The following NALF1 variants were observed in gnomAD, a reference collection of about 807,000 sequenced individuals.
The protein encoded by NALF1 is NALCN channel auxiliary factor 1.
A neutral mutation model predicts 48.4 loss-of-function variants in NALF1; 3 were observed. That is an observed-to-expected ratio of 0.06 (90% CI 0.03 to 0.16). The LOEUF is 0.16. Among genes scored for constraint, NALF1 ranks in the 10% least tolerant of loss-of-function variants. NALF1 has a pLI of 1.00. For missense variants in NALF1, 526 were observed against 571.5 expected (o/e 0.92, Z 0.81); for synonymous variants, 262 against 245.7 (o/e 1.07, Z -0.62).
At chr13:107,550,366 A>G (rs1877258227) in intron 1 of NALF1, among the ~76,000 whole-genome samples, 1 of 152,088 alleles carries the variant, frequency 6.6e-6, no homozygotes, top group African/African-American at 2.4e-5. Flanking sequence ...ATCCATCTTT[A>G]TTGTTAAAAT....
At chr13:107,198,134 A>G (rs1329127336) in intron 2 of NALF1, among the ~76,000 whole-genome samples, 1 of 152,130 alleles carries the variant, frequency 6.6e-6, no homozygotes, top group Non-Finnish European at 1.5e-5. Context: ...AATAGGTTTA[A>G]TTTTTAGTGC....
intron 1 of NALF1, among the ~76,000 whole-genome samples, chr13:107,486,571 C>T (rs797022325): frequency 1.3e-5 from 2 of 152,128 alleles, no homozygotes; most frequent in East Asian, 1.9e-4. Context: ...AGTGCTGTGT[C>T]CTGGGCTGCA....
rs529823080 is a variant in NALF1 at position 107,431,378 on chromosome 13, A to AACAC, written c.916-220627_916-220624dup. On this transcript the variant is annotated intron_variant, in intron 1 of 2. Transcript: ENST00000375915. ...GTGTAACTATTAATGGTTTCTCCTAAACACACACACACACATGCGCATGCG... is the reference window on the plus strand; with the variant it reads ...GTGTAACTATTAATGGTTTCTCCTAAACACACACACACACACACATGCGCATGCG... Among the ~76,000 whole-genome samples the AACAC allele has an allele frequency of 2.0e-4, 30 of 151,766 alleles. 1 individual carries two copies. The highest frequency in any genetic ancestry group is 1.2e-3 in the Admixed American group (18 of 15,222).
intron 1 of NALF1, among the ~76,000 whole-genome samples, chr13:107,249,839 T>C (rs1160084763): frequency 2.0e-5 from 3 of 152,182 alleles, no homozygotes; most frequent in Non-Finnish European, 4.4e-5. Flanking sequence ...TTGATTTTTA[T>C]GTTGACTATC....
chr13:107,673,804 T>C (rs1881049156), intron 1 of NALF1, among the ~76,000 whole-genome samples: 1 of 152,098 alleles, frequency 6.6e-6, no homozygotes, highest in Admixed American at 6.6e-5. Context: ...TTATAATTAC[T>C]ATGTGTCAAA....
At chr13:107,270,328 C>T (rs928288667) in intron 1 of NALF1, among the ~76,000 whole-genome samples, 2 of 152,052 alleles carry the variant, frequency 1.3e-5, no homozygotes, top group African/African-American at 2.4e-5. Flanking sequence ...ATGCACTATA[C>T]ACTATGTTAA....
chr13:107,357,287 G>C (rs1180506563), intron 1 of NALF1, among the ~76,000 whole-genome samples: 1 of 152,064 alleles, frequency 6.6e-6, no homozygotes, highest in Non-Finnish European at 1.5e-5. Context: ...GAGAGCAAAG[G>C]GGGAAGAGTC....
intron 1 of NALF1, among the ~76,000 whole-genome samples, chr13:107,458,645 C>G (rs1884866126): frequency 6.6e-6 from 1 of 152,044 alleles, no homozygotes; most frequent in East Asian, 1.9e-4. Flanking sequence ...TGGACTTCAC[C>G]ACCACTGGGA....
At chr13:107,568,191 G>A (rs1877873816) in intron 1 of NALF1, among the ~76,000 whole-genome samples, 1 of 152,126 alleles carries the variant, frequency 6.6e-6, no homozygotes, top group Non-Finnish European at 1.5e-5. Flanking sequence ...ATGGTGCCCA[G>A]GCTGGTCTCT....
intron 1 of NALF1, among the ~76,000 whole-genome samples, chr13:107,822,143 CTT>C (rs1879377188): frequency 6.6e-6 from 1 of 152,116 alleles, no homozygotes; most frequent in East Asian, 1.9e-4. Flanking sequence ...TAAAAAGCCT[CTT>C]GTTATAAAAG....
intron 1 of NALF1, among the ~76,000 whole-genome samples, chr13:107,587,910 T>C (rs1004386248): frequency 6.6e-6 from 1 of 152,136 alleles, no homozygotes; most frequent in Non-Finnish European, 1.5e-5. Flanking sequence ...CTAACTCCTC[T>C]CTTCTGTATC....
chr13:107,742,991 A>G (rs1289177708), intron 1 of NALF1, among the ~76,000 whole-genome samples: 1 of 152,230 alleles, frequency 6.6e-6, no homozygotes, highest in Non-Finnish European at 1.5e-5. Context: ...AGATTTCTCA[A>G]GCACACCAAG....
chr13:107,808,663 C>G (rs72657258), intron 1 of NALF1, among the ~76,000 whole-genome samples: 17,194 of 118,740 alleles, frequency 0.14, 1,051 homozygotes, highest in African/African-American at 0.18. Context: ...TTCCACTATA[C>G]AGATTTAAAA....
intron 1 of NALF1, among the ~76,000 whole-genome samples, chr13:107,827,128 G>T (rs1165249942): frequency 1.3e-5 from 2 of 152,126 alleles, no homozygotes; most frequent in African/African-American, 4.8e-5. Context: ...TATGACTACA[G>T]ACTCCTAAAA....
intron 1 of NALF1, among the ~76,000 whole-genome samples, chr13:107,583,123 C>A (rs1339893987): frequency 6.6e-6 from 1 of 152,056 alleles, no homozygotes; most frequent in African/African-American, 2.4e-5. Context: ...TTTTCTCTGT[C>A]TCTTTTAGAG....
At chr13:107,213,230 C>CAAAAAAAAAAAAAAAAAAAAAAAAAAA (rs386380636) in intron 1 of NALF1, among the ~76,000 whole-genome samples, 2 of 103,380 alleles carry the variant, frequency 1.9e-5, no homozygotes, top group Non-Finnish European at 3.6e-5. Flanking sequence ...TTTTTTAACT[C>CAAAAAAAAAAAAAAAAAAAAAAAAAAA]AAAAAAAAAA....
chr13:107,417,279 G>A (rs1003190496), intron 1 of NALF1, among the ~76,000 whole-genome samples: 5 of 152,124 alleles, frequency 3.3e-5, no homozygotes, highest in Admixed American at 1.3e-4. Flanking sequence ...CATTGTCTGT[G>A]CTTTTCACTA....
chr13:107,657,672 C>T (rs9587419), intron 1 of NALF1, among the ~76,000 whole-genome samples: 29,622 of 152,096 alleles, frequency 0.19, 3,071 homozygotes, highest in Middle Eastern at 0.37. Context: ...ACTCAGGAGA[C>T]ATGTGCTCTT....
intron 1 of NALF1, among the ~76,000 whole-genome samples, chr13:107,394,896 T>C (rs959374522): frequency 6.6e-6 from 1 of 152,142 alleles, no homozygotes; most frequent in Admixed American, 6.5e-5. Flanking sequence ...GTCTCTACCA[T>C]TATTTTGCTT....
Sources: allele counts gnomAD v4.1 joint callset (sites outside exome capture counted in the v4.1 genomes callset), GRCh38; gene constraint gnomAD v4.1.1; transcripts MANE v1.5; gene names NCBI Gene and HGNC (gene_info 2026-07-23, HGNC 2026-07-21).